The following PCSK9 variants were observed in gnomAD, a reference collection of about 807,000 sequenced individuals.
PCSK9 encodes convertase subtilisin/kexin type 9 preproprotein.
In PCSK9, 57 loss-of-function variants were observed where a neutral mutation model predicts 62.1. That is an observed-to-expected ratio of 0.92 (90% confidence interval 0.74 to 1.14). The LOEUF (loss-of-function observed/expected upper bound fraction) is 1.14. PCSK9 is among the 50% of genes most tolerant of loss of function. PCSK9 has a pLI of 0.00. For synonymous variants in PCSK9, 387 were observed against 409.4 expected, an observed-to-expected ratio of 0.95 and a Z score of 0.66; for missense variants, 870 against 959.8, an observed-to-expected ratio of 0.91 and a Z score of 1.24.
Position 55,059,645 on chromosome 1 carries a change from C to G in PCSK9, c.1663C>G (p.Gln555Glu). ...GGGGACCCGTGTCCACTGCCACCAA[C>G]AGGGCCACGTCCTCACAGGTAGGAG... ...SMGTRVHCHQ[Q>E]GHVLTGCSSH... The change falls in exon 10 of 12, where the codon CAG (glutamine) becomes GAG (glutamate). Residue 555 changes from glutamine to glutamate, a missense_variant. By Grantham distance (29) the Gln-to-Glu change is conservative. Transcript: ENST00000302118. 6.4e-7 allele frequency: 1 copy of G among 1,551,106 alleles called. No individual in the cohort carries two copies.
intron 2 of PCSK9, among the ~76,000 whole-genome samples, chr1:55,046,141 G>A (rs997368470): frequency 1.3e-5 from 2 of 152,206 alleles, no homozygotes; most frequent in African/African-American, 4.8e-5. Context: ...TAGACTAGGG[G>A]ACAAACCGAA....
chr1:55,039,964 C>A lies in PCSK9; in HGVS notation c.127C>A (p.Leu43Ile). Residue 43 changes from leucine to isoleucine, a missense_variant, in exon 1 of 12, where the codon CTA (leucine) becomes ATA (isoleucine). Coordinates refer to ENST00000302118, the MANE Select transcript of PCSK9 (RefSeq NM_174936.4). ...GGACGGCGACTACGAGGAGCTGGTG[C>A]TAGCCTTGCGTTCCGAGGAGGACGG... ...DEDGDYEELV[L>I]ALRSEEDGLA... 6.3e-7 allele frequency: 1 copy of A among 1,579,270 alleles called. No homozygotes were observed. The highest frequency in any genetic ancestry group is 1.9e-4 in the Middle Eastern group (1 of 5,154).
chr1:55,052,433 G>T, intron 4 of PCSK9, 22 bp downstream of exon 4: 1 of 1,613,518 alleles, frequency 6.2e-7, no homozygotes, highest in South Asian at 1.1e-5. Flanking sequence ...CGTCTGATGG[G>T]AGGGCTGCCT....
At position 55,058,120 on chromosome 1, in the gene PCSK9, A is replaced by T. The variant is rs766136945; in HGVS notation, c.1265A>T (p.Asp422Val). 2 of 1,613,514 alleles carry T rather than the reference A, an allele frequency of 1.2e-6. No homozygotes were observed. The highest frequency in any genetic ancestry group is 1.3e-5 in the African/African-American group (1 of 74,910). The change falls in exon 8 of 12, where the codon GAT becomes GTT. Residue 422 changes from aspartate (D) to valine (V), a missense_variant. Transcript: ENST00000302118. Reference protein sequence around the residue: ...RQRLIHFSAKDVINEAWFPED... With the variant: ...RQRLIHFSAKVVINEAWFPED... The stretch of plus-strand genomic sequence containing the variant: ...AGACTGATCCACTTCTCTGCCAAAG[A>T]TGTCATCAATGAGGCCTGGTTCCCT...
chr1:55,056,167 A>T lies in PCSK9; in HGVS notation c.974A>T (p.Tyr325Phe). 1 of 1,435,916 alleles carries T rather than the reference A, an allele frequency of 7.0e-7. No homozygotes were observed. The highest frequency in any genetic ancestry group is 9.3e-7 in the Non-Finnish European group (1 of 1,074,992). The allele number at this position is 1,435,916 out of a possible 1,614,324, so 88.9% of individuals were successfully genotyped here. A position where few individuals can be genotyped will look rare whatever the true frequency, so the allele number is the denominator to read the frequency against. ...AGNFRDDACLYSPASAPEVIT... is the reference protein window; with the variant it reads ...AGNFRDDACLFSPASAPEVIT... ...AACTTCCGGGACGATGCCTGCCTCT[A>T]CTCCCCAGCCTCAGCTCCCGAGGTA... The change falls in exon 6 of 12, where the codon TAC (tyrosine) becomes TTC (phenylalanine). Residue 325 changes from tyrosine (Y) to phenylalanine (F), a missense_variant. Coordinates refer to ENST00000302118, the MANE Select transcript of PCSK9 (RefSeq NM_174936.4).
At chr1:55,043,692 C>T in intron 1 of PCSK9, 151 bp from the exon 2 acceptor site, 1 of 907,106 alleles carries the variant, frequency 1.1e-6, no homozygotes, top group Non-Finnish European at 1.7e-6. Context: ...CTTTAATTTG[C>T]TTTTTGGTCC....
chr1:55,051,704 C>T (rs567815733), intron 3 of PCSK9: 3 of 205,964 alleles, frequency 1.5e-5, no homozygotes, highest in Admixed American at 5.3e-5. Flanking sequence ...GGTTGTGACT[C>T]GTGTGAGGCA....
chr1:55,059,594 A>G lies in PCSK9; in HGVS notation c.1612A>G (p.Thr538Ala), dbSNP rs1223085316. 6.4e-7 allele frequency: 1 copy of G among 1,553,270 alleles called. No homozygotes were observed. The highest frequency in any genetic ancestry group is 2.4e-5 in the East Asian group (1 of 41,322). ...ACCCCAGGCCAACTGCAGCGTCCACACAGCTCCACCAGCTGAGGCCAGCAT... is the reference window on the plus strand; with the variant it reads ...ACCCCAGGCCAACTGCAGCGTCCACGCAGCTCCACCAGCTGAGGCCAGCAT... ...LLPQANCSVH[T>A]APPAEASMGT... The change falls in exon 10 of 12, where the codon ACA (threonine) becomes GCA (alanine). Residue 538 changes from threonine to alanine, a missense_variant. By Grantham distance (58) the Thr-to-Ala change is moderately conservative (BLOSUM62 0). Coordinates refer to ENST00000302118, the MANE Select transcript of PCSK9 (RefSeq NM_174936.4).
chr1:55,039,698 C>G lies in PCSK9; in HGVS notation c.-140C>G. On this transcript the variant is annotated 5_prime_UTR_variant, in exon 1 of 12. Coordinates refer to ENST00000302118, the MANE Select transcript of PCSK9 (RefSeq NM_174936.4). ...CTCCCAGCTCCCAGCCAGGATTCCG[C>G]GCGCCCCTTCACGCGCCCTGCTCCT... is the stretch of plus-strand genomic sequence containing the variant. The G allele has an allele frequency of 2.0e-6, 2 of 1,006,040 alleles. No homozygotes were observed. Among genetic ancestry groups the G allele is most frequent in the Middle Eastern group, 3.1e-4 (1 of 3,178 alleles). 62.3% of individuals were successfully genotyped at this position (1,006,040 alleles called of 1,614,324 possible).
chr1:55,044,163 T>G, intron 2 of PCSK9, 129 bp downstream of exon 2: 1 of 1,118,690 alleles, frequency 8.9e-7, no homozygotes, highest in Non-Finnish European at 1.3e-6. Context: ...TGAGCACTTA[T>G]CGGGTACCAA....
chr1:55,046,876 T>C (rs499718), intron 3 of PCSK9, among the ~76,000 whole-genome samples: 111,258 of 152,012 alleles, frequency 0.73, 42,236 homozygotes, highest in South Asian at 0.83. Flanking sequence ...CTCTTTTCCT[T>C]CTTTTCTCTT....
intron 3 of PCSK9, among the ~76,000 whole-genome samples, chr1:55,049,814 G>A (rs537281156): frequency 6.6e-6 from 1 of 152,350 alleles, no homozygotes; most frequent in South Asian, 2.1e-4. Context: ...GCCTCCCCGA[G>A]CTTCCATCTG....
intron 1 of PCSK9, 46 bp from the exon 2 acceptor site, chr1:55,043,797 G>C (rs1211979619): frequency 6.2e-7 from 1 of 1,606,098 alleles, no homozygotes; most frequent in South Asian, 1.1e-5. Context: ...CCTAGGGTTT[G>C]CTGGGTTTCT....
At chr1:55,060,494 G>A (rs1234526475) in intron 10 of PCSK9, among the ~76,000 whole-genome samples, 1 of 152,190 alleles carries the variant, frequency 6.6e-6, no homozygotes, top group African/African-American at 2.4e-5. Context: ...TAGGATGGAT[G>A]TTCAGGAAAG....
At chr1:55,060,001 G>A (rs1339487680) in intron 10 of PCSK9, among the ~76,000 whole-genome samples, 11 of 152,308 alleles carry the variant, frequency 7.2e-5, no homozygotes, top group South Asian at 4.1e-4. Context: ...AGAGGCCCCC[G>A]GCTGGGGCTG....
intron 9 of PCSK9, 35 bp downstream of exon 9, chr1:55,058,682 TGTGTGTGTGTG>T: frequency 2.6e-6 from 1 of 384,038 alleles, no homozygotes; most frequent in East Asian, 1.6e-4. Flanking sequence ...TGTGTGTGTG[TGTGTGTGTGTG>T]TGTGTGTGTG....
chr1:55,046,728 G>T, intron 3 of PCSK9, 82 bp downstream of exon 3: 1 of 1,551,670 alleles, frequency 6.4e-7, no homozygotes. Flanking sequence ...CCCTGCTGGT[G>T]GTTTCCACTT....
At chr1:55,041,885 T>C (rs771359523) in intron 1 of PCSK9, among the ~76,000 whole-genome samples, 1 of 152,164 alleles carries the variant, frequency 6.6e-6, no homozygotes, top group African/African-American at 2.4e-5. Context: ...GGAGGTACCA[T>C]GAACAAAGAT....
Position 55,039,655 on chromosome 1 carries a change from G to A in PCSK9, c.-183G>A. 1.4e-6 allele frequency: 1 copy of A among 700,018 alleles called. No homozygotes were observed. Among genetic ancestry groups the A allele is most frequent in the Non-Finnish European group, 2.4e-6 (1 of 421,624 alleles). 43.4% of individuals were successfully genotyped at this position (700,018 alleles called of 1,614,324 possible). On this transcript the variant is annotated 5_prime_UTR_variant, in exon 1 of 12. Transcript: ENST00000302118. ...GAGACTGGCTCGGGCGGGCCGGGAC[G>A]CGTCGTTGCAGCAGCGGCTCCCAGC... is the stretch of plus-strand genomic sequence containing the variant.
Sources: gnomAD v4.1 joint callset for allele counts (sites outside exome capture counted in the v4.1 genomes callset) on GRCh38, gnomAD v4.1.1 for gene constraint, MANE v1.5 for transcripts, NCBI Gene and HGNC (gene_info 2026-07-23, HGNC 2026-07-21) for gene names.